The following VPS41 variants were observed in gnomAD, a reference collection of about 807,000 sequenced individuals.
The protein encoded by VPS41 is VPS41 subunit of HOPS complex.
In VPS41, 85 loss-of-function variants were observed where a neutral mutation model predicts 130.9. The ratio of observed to expected loss-of-function variants is 0.65; its 90% CI spans 0.55 to 0.78. The LOEUF is 0.78. Ranked by LOEUF, VPS41 falls within the 30% of genes least tolerant of loss-of-function variation. VPS41 has a pLI of 0.00. For synonymous variants in VPS41, 335 were observed against 332.9 expected (o/e 1.01, Z -0.07); for missense variants, 874 against 1,018.7 (o/e 0.86, Z 1.93).
At chr7:38,874,710 C>G (rs1786450323) in intron 2 of VPS41, among the ~76,000 whole-genome samples, 1 of 152,072 alleles carries the variant, frequency 6.6e-6, no homozygotes, top group Non-Finnish European at 1.5e-5. Flanking sequence ...GCAGTTTGAA[C>G]TTCCACAGTA....
intron 2 of VPS41, among the ~76,000 whole-genome samples, chr7:38,888,017 C>G (rs745477468): frequency 2.0e-5 from 3 of 152,214 alleles, no homozygotes; most frequent in African/African-American, 4.8e-5. Flanking sequence ...ATTACAAGAG[C>G]TCCTGAAGGA....
At position 38,792,224 on chromosome 7, in the gene VPS41, C is replaced by T. The variant is rs377407407; in HGVS notation, c.718-2357G>A. Among the ~76,000 whole-genome samples, 8 of 152,264 alleles carry T rather than the reference C, an allele frequency of 5.3e-5. No individual in the cohort carries two copies. In the East Asian group the frequency reaches 1.2e-3, roughly 22 times the overall value. Reference sequence around the variant, plus strand: ...GTAAAGGTGGGTGAATAGGTAAGTGCTACCTTAAGCTCATGTCTTGCATAA... The same window carrying T: ...GTAAAGGTGGGTGAATAGGTAAGTGTTACCTTAAGCTCATGTCTTGCATAA... On this transcript the variant is annotated intron_variant, in intron 9 of 28. Transcript: ENST00000310301.
intron 4 of VPS41, among the ~76,000 whole-genome samples, chr7:38,858,060 A>T (rs953346122): frequency 4.6e-5 from 7 of 152,178 alleles, no homozygotes; most frequent in African/African-American, 1.7e-4. Context: ...TATGTAGAAG[A>T]AGTCTTATAG....
rs199639634 is a variant in VPS41, at chr7:38,754,947, T to G, written c.1696-11A>C. On this transcript the variant is annotated splice_polypyrimidine_tract_variant and intron_variant, in intron 19 of 28. Coordinates refer to ENST00000310301, the MANE Select transcript of VPS41 (RefSeq NM_014396.4). The stretch of plus-strand genomic sequence containing the variant: ...CATGTCAACAGCTTTCTGAAACATA[T>G]AAGAAAAGCCACAGTCAATGAAATC... 1.9e-6 allele frequency: 3 copies of G among 1,612,870 alleles called. No individual in the cohort carries two copies. Among genetic ancestry groups the G allele is most frequent in the Admixed American group, 1.7e-5 (1 of 59,902 alleles).
rs376257573 is a variant in VPS41 at position 38,758,889 on chromosome 7, A to G, written c.1423-408T>C. Among the ~76,000 whole-genome samples, 67 of 152,318 alleles carry G rather than the reference A, an allele frequency of 4.4e-4. 1 individual carries two copies. The East Asian group carries it at 6.8e-3, about 15-fold the overall frequency. On this transcript the variant is annotated intron_variant, in intron 17 of 28. Coordinates refer to ENST00000310301, the MANE Select transcript of VPS41 (RefSeq NM_014396.4). ...GCTTTGGAGGGCTCCCCAAGAGCTGAACACCTGGAGGTTCCTGGAGGGTGG... is the reference window on the plus strand; with the variant it reads ...GCTTTGGAGGGCTCCCCAAGAGCTGGACACCTGGAGGTTCCTGGAGGGTGG...
intron 11 of VPS41, among the ~76,000 whole-genome samples, chr7:38,775,927 GAA>G: frequency 1.3e-5 from 2 of 151,844 alleles, no homozygotes; most frequent in African/African-American, 4.8e-5. Flanking sequence ...GCATCCAAAA[GAA>G]AATCCTTTAC....
At chr7:38,796,234 C>T (rs1216623096) in intron 8 of VPS41, among the ~76,000 whole-genome samples, 2 of 152,166 alleles carry the variant, frequency 1.3e-5, no homozygotes, top group African/African-American at 4.8e-5. Flanking sequence ...GTCAAAAAGA[C>T]CATTTTTAAA....
At chr7:38,859,274 G>A (rs1490275254) in intron 4 of VPS41, among the ~76,000 whole-genome samples, 1 of 152,104 alleles carries the variant, frequency 6.6e-6, no homozygotes, top group Non-Finnish European at 1.5e-5. Flanking sequence ...AGTAAGCTAA[G>A]GCTAATGTAT....
chr7:38,725,555 A>T lies in VPS41; in HGVS notation c.*691T>A, dbSNP rs1276815871. The T allele has an allele frequency of 6.6e-6, 1 of 152,254 alleles. No individual in the cohort carries two copies. Among genetic ancestry groups the T allele is most frequent in the East Asian group, 1.9e-4 (1 of 5,202 alleles). 9.4% of individuals were successfully genotyped at this position (152,254 alleles called of 1,614,324 possible). On this transcript the variant is annotated 3_prime_UTR_variant, in exon 29 of 29. Coordinates refer to ENST00000310301, the MANE Select transcript of VPS41 (RefSeq NM_014396.4). The stretch of plus-strand genomic sequence containing the variant: ...ATCCCAGTAAAAGTGAGTCCTTCAC[A>T]ATGAGAAGAGCTAACATTTATTCAA...
Position 38,726,280 on chromosome 7 carries a change from C to T in VPS41, c.2531G>A (p.Gly844Glu). The change falls in exon 29 of 29, where the codon GGA becomes GAA. Residue 844 changes from glycine to glutamate, a missense_variant. Coordinates refer to ENST00000310301, the MANE Select transcript of VPS41 (RefSeq NM_014396.4). ...FCNICSAKNR[G>E]PGSAILEMKK ...CATCTCCAAAATTGCACTTCCTGGT[C>T]CACGGTTCTTAGCACTGCAGATGTT... 1 of 1,614,030 alleles carries T rather than the reference C, an allele frequency of 6.2e-7. No homozygotes were observed. Among genetic ancestry groups the T allele is most frequent in the Non-Finnish European group, 8.5e-7 (1 of 1,179,942 alleles).
rs750318829 is a variant in VPS41 at position 38,745,619 on chromosome 7, A to T, written c.1927-6T>A. On this transcript the variant is annotated splice_polypyrimidine_tract_variant and splice_region_variant and intron_variant, in intron 22 of 28. Transcript: ENST00000310301. ...TGTTGACAGATCTCAAGAGCCTTCA[A>T]TTAAAGCAGGGTAAAAATGTTACTA... 5 of 1,600,450 alleles carry T rather than the reference A, an allele frequency of 3.1e-6. No homozygotes were observed. Among genetic ancestry groups the T allele is most frequent in the Admixed American group, 1.8e-5 (1 of 56,316 alleles).
intron 19 of VPS41, among the ~76,000 whole-genome samples, chr7:38,755,218 C>A (rs995102387): frequency 2.2e-5 from 2 of 92,146 alleles, no homozygotes; most frequent in Non-Finnish European, 4.3e-5. Flanking sequence ...CATATCCTAG[C>A]CCCCCGCCCT....
At chr7:38,883,399 GCA>G (rs1361314949) in intron 2 of VPS41, among the ~76,000 whole-genome samples, 3 of 152,062 alleles carry the variant, frequency 2.0e-5, no homozygotes, top group East Asian at 1.9e-4. Context: ...CTACCTCTGG[GCA>G]CAGTGTTTGC....
At chr7:38,731,469 A>G (rs1383298802) in intron 25 of VPS41, among the ~76,000 whole-genome samples, 1 of 152,184 alleles carries the variant, frequency 6.6e-6, no homozygotes, top group South Asian at 2.1e-4. Context: ...ACTGATGGCC[A>G]AAAGTCAGAT....
At chr7:38,738,582 T>G (rs1004941161) in intron 25 of VPS41, among the ~76,000 whole-genome samples, 80 of 152,096 alleles carry the variant, frequency 5.3e-4, no homozygotes, top group African/African-American at 1.8e-3. Context: ...AAATAGAAAA[T>G]GTAAAAACAT....
chr7:38,861,286 G>A (rs952076753), intron 4 of VPS41, among the ~76,000 whole-genome samples: 1 of 152,078 alleles, frequency 6.6e-6, no homozygotes, highest in East Asian at 1.9e-4. Flanking sequence ...AGTAGGAAAT[G>A]TAAGAAACCA....
chr7:38,832,352 G>C (rs1373095750), intron 4 of VPS41, among the ~76,000 whole-genome samples: 2 of 119,690 alleles, frequency 1.7e-5, no homozygotes, highest in Non-Finnish European at 3.3e-5. Context: ...ACAGATTCTA[G>C]CTCTGTCACC....
At chr7:38,797,861 C>T (rs769347528) in intron 7 of VPS41, among the ~76,000 whole-genome samples, 2 of 152,104 alleles carry the variant, frequency 1.3e-5, no homozygotes, top group Non-Finnish European at 2.9e-5. Flanking sequence ...AGAGGAAGCA[C>T]AAAATAAAAT....
At chr7:38,904,141 G>C (rs1467071430) in intron 1 of VPS41, among the ~76,000 whole-genome samples, 1 of 152,170 alleles carries the variant, frequency 6.6e-6, no homozygotes, top group Non-Finnish European at 1.5e-5. Context: ...CAGGCATCAA[G>C]AAGAAACAAA....
Sources: allele counts gnomAD v4.1 joint callset (sites outside exome capture counted in the v4.1 genomes callset), GRCh38; gene constraint gnomAD v4.1.1; transcripts MANE v1.5; gene names NCBI Gene and HGNC (gene_info 2026-07-23, HGNC 2026-07-21).